PGBD2: variants seen among roughly 807,000 people sequenced by gnomAD.
PGBD2 encodes the protein piggyBac transposable element derived 2.
In PGBD2, 6 loss-of-function variants were observed where a neutral mutation model predicts 8.1. The observed-to-expected ratio is 0.74, with a 90% CI of 0.40 to 1.46. The LOEUF (loss-of-function observed/expected upper bound fraction) is 1.46. Ranked by LOEUF, PGBD2 falls within the 40% of genes most tolerant of loss-of-function variation. The pLI is 0.02. For synonymous variants in PGBD2, 318 were observed against 272.2 expected (o/e 1.17, Z -1.66); for missense variants, 802 against 739.0 (o/e 1.09, Z -0.99).
In PGBD2 at chr1:248,918,134, G is replaced by A. The variant is rs745847088; in HGVS notation, c.1550G>A (p.Arg517Gln). 1.5e-5 allele frequency: 25 copies of A among 1,614,082 alleles called. No individual in the cohort carries two copies. Among genetic ancestry groups the A allele is most frequent in the Middle Eastern group, 3.3e-4 (2 of 6,084 alleles). Residue 517 changes from arginine (R) to glutamine (Q), a missense_variant, in exon 3 of 3, where the codon CGG becomes CAG. By Grantham distance (43) the Arg-to-Gln change is conservative. Transcript: ENST00000329291. ...QDAQVDLLAF[R>Q]RYIACVYLES... ...GCCCAGGTGGACCTCCTTGCCTTCCGGAGATACATTGCCTGTGTGTATCTG... is the reference window on the plus strand; with the variant it reads ...GCCCAGGTGGACCTCCTTGCCTTCCAGAGATACATTGCCTGTGTGTATCTG...
At chr1:248,924,538 A>G (rs1662347302), downstream of PGBD2, among the ~76,000 whole-genome samples, 1 of 152,250 alleles carries the variant, frequency 6.6e-6, no homozygotes, top group African/African-American at 2.4e-5. Context: ...GAAAAAAGTG[A>G]CATTCACATA....
At chr1:248,923,935 C>T (rs1185383040), downstream of PGBD2, among the ~76,000 whole-genome samples, 3 of 152,184 alleles carry the variant, frequency 2.0e-5, no homozygotes, top group Non-Finnish European at 2.9e-5. Context: ...AAAATGTTTT[C>T]TTCTAAGGTG....
chr1:248,890,767 C>T, the PGBD2 span, among the ~76,000 whole-genome samples: 782 of 151,658 alleles, frequency 5.2e-3, 4 homozygotes, highest in Middle Eastern at 0.017. Flanking sequence ...TTACACACCC[C>T]GCACACCACA....
chr1:248,903,940 C>T (rs1009376745), upstream of PGBD2, among the ~76,000 whole-genome samples: 5 of 152,028 alleles, frequency 3.3e-5, no homozygotes, highest in Non-Finnish European at 5.9e-5. Flanking sequence ...TTAGTCAATG[C>T]GACATGAGAA....
At position 248,918,225 on chromosome 1, in the gene PGBD2, C is replaced by T. The variant is rs368036878; in HGVS notation, c.1641C>T (p.Phe547=). 64 of 1,614,006 alleles carry T rather than the reference C, an allele frequency of 4.0e-5. No homozygotes were observed. Among genetic ancestry groups the T allele is most frequent in the Non-Finnish European group, 2.6e-5 (31 of 1,180,016 alleles). The change falls in exon 3 of 3, where the codon TTC becomes TTT. Residue 547 remains phenylalanine (F), a synonymous_variant. Transcript: ENST00000329291. ...GGCGGTTGGAGACTGAGAGCCGCTT[C>T]GATATGATTGGGCACTGGATTATCC... ...RSRRLETESR[F]DMIGHWIIHQ...
chr1:248,915,363 A>G (rs1419941560), intron 2 of PGBD2, among the ~76,000 whole-genome samples: 1 of 152,272 alleles, frequency 6.6e-6, no homozygotes, highest in African/African-American at 2.4e-5. Context: ...TTCAGTACCC[A>G]TACTGTCACT....
intron 1 of PGBD2, among the ~76,000 whole-genome samples, chr1:248,908,684 AT>A (rs35383461): frequency 2.1e-3 from 302 of 146,064 alleles, no homozygotes; most frequent in African/African-American, 4.2e-3. Flanking sequence ...CTCTTCCTGT[AT>A]TTTTTTTTTT....
the PGBD2 span, among the ~76,000 whole-genome samples, chr1:248,892,259 C>A: frequency 8.2e-6 from 1 of 122,020 alleles, no homozygotes; most frequent in East Asian, 2.5e-4. Flanking sequence ...CCCTCCCTCC[C>A]TCCCTCCCTC....
chr1:248,922,516 G>A (rs939854397), downstream of PGBD2, among the ~76,000 whole-genome samples: 4 of 152,252 alleles, frequency 2.6e-5, no homozygotes, highest in Admixed American at 6.5e-5. Context: ...GGCAAGAGAG[G>A]GCATCCTTGT....
the PGBD2 span, among the ~76,000 whole-genome samples, chr1:248,896,364 T>C: frequency 1.3e-5 from 2 of 151,404 alleles, no homozygotes; most frequent in African/African-American, 4.8e-5. Context: ...CATATATACA[T>C]ATATATATAT....
At chr1:248,927,696 G>A in the PGBD2 span, among the ~76,000 whole-genome samples, 1 of 152,152 alleles carries the variant, frequency 6.6e-6, no homozygotes, top group African/African-American at 2.4e-5. Flanking sequence ...GAAAGCTCAG[G>A]TTTATGATGT....
the PGBD2 span, among the ~76,000 whole-genome samples, chr1:248,892,234 GTTCC>G: frequency 7.3e-6 from 1 of 136,450 alleles, no homozygotes; most frequent in African/African-American, 2.9e-5. Context: ...AGGTAGTCTT[GTTCC>G]TTCCTTCCCT....
chr1:248,873,965 C>T, the PGBD2 span, among the ~76,000 whole-genome samples: 11 of 152,252 alleles, frequency 7.2e-5, no homozygotes, highest in East Asian at 3.9e-4. Flanking sequence ...CTGACACATT[C>T]GTTTTATTAG....
At chr1:248,916,229 C>A (rs911340696) in intron 2 of PGBD2, among the ~76,000 whole-genome samples, 1 of 152,046 alleles carries the variant, frequency 6.6e-6, no homozygotes, top group Non-Finnish European at 1.5e-5. Context: ...CTGACTAACA[C>A]GGTGAAACCC....
At chr1:248,929,285 C>T in the PGBD2 span, among the ~76,000 whole-genome samples, 5 of 152,166 alleles carry the variant, frequency 3.3e-5, no homozygotes, top group East Asian at 1.9e-4. Context: ...CATCTCCATT[C>T]GTCTCTCTTT....
the PGBD2 span, among the ~76,000 whole-genome samples, chr1:248,884,134 G>C: frequency 6.6e-6 from 1 of 152,034 alleles, no homozygotes; most frequent in Admixed American, 6.5e-5. Flanking sequence ...TTTTGTAAAA[G>C]GTAGAGTCCA....
At chr1:248,903,996 T>C (rs1661577766), upstream of PGBD2, among the ~76,000 whole-genome samples, 1 of 152,182 alleles carries the variant, frequency 6.6e-6, no homozygotes, top group Non-Finnish European at 1.5e-5. Context: ...CAAAGACATG[T>C]ACAGGTGAAA....
At position 248,917,034 on chromosome 1, in the gene PGBD2, TGAAG is replaced by T; in HGVS notation, c.454_457del (p.Gly152GlnfsTer20). On this transcript the variant is annotated frameshift_variant, in exon 3 of 3. Transcript: ENST00000329291. LOFTEE classifies it low-confidence loss of function (END_TRUNC). ...TGGGCCTTTTTGAGTTGTTTTTTGA[TGAAG>T]GAACAATTAATTTCATTGTTAATGA... 6.2e-7 allele frequency: 1 copy of T among 1,613,840 alleles called. No homozygotes were observed. The highest frequency in any genetic ancestry group is 8.5e-7 in the Non-Finnish European group (1 of 1,179,982).
At chr1:248,906,956 T>C (rs1271525139) in intron 1 of PGBD2, among the ~76,000 whole-genome samples, 1 of 151,952 alleles carries the variant, frequency 6.6e-6, no homozygotes, top group Non-Finnish European at 1.5e-5. Flanking sequence ...GGATATCTTG[T>C]CAGGTGGGAG....
Sources: allele counts gnomAD v4.1 joint callset (sites outside exome capture counted in the v4.1 genomes callset), GRCh38; gene constraint gnomAD v4.1.1; transcripts MANE v1.5; gene names NCBI Gene and HGNC (gene_info 2026-07-23, HGNC 2026-07-21).